The following HSD17B4 variants were observed in gnomAD, a reference collection of about 807,000 sequenced individuals.
HSD17B4 encodes the protein hydroxysteroid 17-beta dehydrogenase 4.
A neutral mutation model predicts 101.0 loss-of-function variants in HSD17B4; 70 were observed. The observed-to-expected ratio is 0.69, with a 90% CI of 0.57 to 0.85. HSD17B4 has a LOEUF of 0.85. Among genes scored for constraint, HSD17B4 ranks in the 40% least tolerant of loss-of-function variants. HSD17B4 has a pLI of 0.00. For missense variants in HSD17B4, 984 were observed against 892.4 expected (o/e 1.10, Z -1.31); for synonymous variants, 347 against 297.1 (o/e 1.17, Z -1.73).
At chr5:119,532,441 A>G (rs1300821572) in intron 22 of HSD17B4, among the ~76,000 whole-genome samples, 2 of 152,132 alleles carry the variant, frequency 1.3e-5, no homozygotes, top group Non-Finnish European at 2.9e-5. Context: ...CCATGTAGAA[A>G]GCATAGTTTT....
At chr5:119,499,579 T>C (rs771598599) in intron 13 of HSD17B4, 26 bp downstream of exon 13, 1 of 1,352,792 alleles carries the variant, frequency 7.4e-7, no homozygotes, top group East Asian at 2.3e-5. Context: ...AACCTTTATT[T>C]TGCTTTTCTA....
chr5:119,454,404 C>G (rs1004757063), intron 1 of HSD17B4, among the ~76,000 whole-genome samples: 2 of 151,524 alleles, frequency 1.3e-5, no homozygotes, highest in African/African-American at 4.9e-5. Flanking sequence ...CTCCTGGGCT[C>G]AAGTGATCCT....
At position 119,489,420 on chromosome 5, in the gene HSD17B4, AT is replaced by A. The variant is rs1749900879; in HGVS notation, c.714+143del. 2.1e-5 allele frequency: 14 copies of A among 667,452 alleles called. 1 individual carries two copies. In the South Asian group the frequency reaches 2.4e-4, roughly 11 times the overall value. 41.3% of individuals were successfully genotyped at this position (667,452 alleles called of 1,614,324 possible). A position where few individuals can be genotyped will look rare whatever the true frequency, so the allele number is the denominator to read the frequency against. On this transcript the variant is annotated intron_variant, in intron 9 of 23. Coordinates refer to ENST00000510025, the MANE Select transcript of HSD17B4 (RefSeq NM_000414.4). ...TAATTAAAAGTGTTGACTAATATCC[AT>A]TTTTTGGAAAGTAATAGTAACTTTA...
chr5:119,479,057 C>T, intron 8 of HSD17B4, 36 bp downstream of exon 8: 1 of 1,453,654 alleles, frequency 6.9e-7, no homozygotes, highest in Non-Finnish European at 9.7e-7. Flanking sequence ...AGTGCTGTTA[C>T]TTACAAACCT....
At chr5:119,509,477 A>C (rs1245156286) in intron 16 of HSD17B4, 2 of 663,672 alleles carry the variant, frequency 3.0e-6, no homozygotes, top group South Asian at 3.1e-5. Context: ...ATGATGATCT[A>C]CTTCCACTTA....
At chr5:119,474,357 A>G (rs1748361410) in intron 3 of HSD17B4, 44 bp from the exon 4 acceptor site, 1 of 1,218,586 alleles carries the variant, frequency 8.2e-7, no homozygotes, top group African/African-American at 1.5e-5. Flanking sequence ...AGTCCTTTGG[A>G]AGGGAGGTTG....
intron 2 of HSD17B4, 129 bp from the exon 3 acceptor site, chr5:119,473,779 G>A (rs1164849570): frequency 1.4e-6 from 1 of 713,096 alleles, no homozygotes; most frequent in Non-Finnish European, 2.6e-6. Flanking sequence ...GATGGGATAG[G>A]GTAGGAAGGA....
intron 6 of HSD17B4, chr5:119,476,522 T>A (rs1748600390): frequency 2.0e-6 from 2 of 976,790 alleles, no homozygotes; most frequent in African/African-American, 3.5e-5. Context: ...TATCATTGTT[T>A]ATAGAGTGTG....
chr5:119,525,169 T>C, intron 17 of HSD17B4, 47 bp from the exon 18 acceptor site: 1 of 1,321,186 alleles, frequency 7.6e-7, no homozygotes, highest in Non-Finnish European at 1.1e-6. Flanking sequence ...ATTTAATGTA[T>C]TCTAACAAAA....
chr5:119,517,823 A>T lies in HSD17B4; in HGVS notation c.1503+2777A>T, dbSNP rs938077733. 2.0e-5 allele frequency among the ~76,000 whole-genome samples: 3 copies of T among 149,816 alleles called. No homozygotes were observed. In the East Asian group the frequency reaches 5.9e-4, roughly 30 times the overall value. Reference sequence around the variant, plus strand: ...TAGCTCAAGGTTTGTAAACAAACCAATCAGCACCCTGTGTCTAGCTCAGGG... The same window carrying T: ...TAGCTCAAGGTTTGTAAACAAACCATTCAGCACCCTGTGTCTAGCTCAGGG... On this transcript the variant is annotated intron_variant, in intron 17 of 23. Transcript: ENST00000510025.
intron 15 of HSD17B4, among the ~76,000 whole-genome samples, chr5:119,507,804 A>G (rs558534730): frequency 6.6e-6 from 1 of 151,756 alleles, no homozygotes; most frequent in Non-Finnish European, 1.5e-5. Context: ...AAAAATTTGT[A>G]CATTTTATAA....
intron 14 of HSD17B4, among the ~76,000 whole-genome samples, chr5:119,503,093 T>C (rs1020241562): frequency 6.6e-6 from 1 of 151,460 alleles, no homozygotes; most frequent in African/African-American, 2.4e-5. Context: ...TGTGTGTGTG[T>C]GTGTGTGTGT....
In HSD17B4 at chr5:119,489,217, G is replaced by A. The variant is rs762731834; in HGVS notation, c.648G>A (p.Glu216=). ...ATCTTGTGGAAGCCCTGAAGCCAGA[G>A]TATGTGGCACCTCTTGTCCTTTGGC... is the stretch of plus-strand genomic sequence containing the variant. ...PEDLVEALKP[E]YVAPLVLWLC... Residue 216 remains glutamate, a synonymous_variant, in exon 9 of 24, where the codon GAG becomes GAA. Coordinates refer to ENST00000510025, the MANE Select transcript of HSD17B4 (RefSeq NM_000414.4). The A allele has an allele frequency of 1.4e-5, 22 of 1,611,902 alleles. No individual in the cohort carries two copies. The highest frequency in any genetic ancestry group is 6.7e-5 in the Admixed American group (4 of 59,936).
chr5:119,525,713 G>GTTTTTTTTTTTTTTTTTTT, intron 18 of HSD17B4: 1 of 484,018 alleles, frequency 2.1e-6, no homozygotes, highest in Admixed American at 3.7e-5. Context: ...TTCCTGTTTT[G>GTTTTTTTTTTTTTTTTTTT]TTTTTTTTTT....
At chr5:119,463,655 CTTTTTTTTTTTTTTTT>C (rs57252147) in intron 2 of HSD17B4, among the ~76,000 whole-genome samples, 3 of 29,688 alleles carry the variant, frequency 1.0e-4, no homozygotes, top group South Asian at 2.9e-3. Context: ...ATTTATATGT[CTTTTTTTTTTTTTTTT>C]TTTTTTTTTT....
chr5:119,465,403 A>G (rs1370818148), intron 2 of HSD17B4, among the ~76,000 whole-genome samples: 1 of 152,126 alleles, frequency 6.6e-6, no homozygotes, highest in Non-Finnish European at 1.5e-5. Context: ...GGTTGTTTAA[A>G]ACAGTCTGGG....
At chr5:119,475,955 A>G (rs1449675461) in intron 6 of HSD17B4, 85 bp downstream of exon 6, 1 of 974,250 alleles carries the variant, frequency 1.0e-6, no homozygotes, top group Non-Finnish European at 1.6e-6. Context: ...ATTTAAGGAA[A>G]AACCTGCTTC....
In HSD17B4 at chr5:119,476,900, C is replaced by G. The variant is rs73246550; in HGVS notation, c.350-517C>G. Among the ~76,000 whole-genome samples, 948 of 152,236 alleles carry G rather than the reference C, an allele frequency of 6.2e-3. 8 individuals are homozygous for G. Among genetic ancestry groups the G allele is most frequent in the African/African-American group, 0.022 (902 of 41,546 alleles). ...GCTTAAAAAACTTGACAATTAAAAT[C>G]TAGAATTGTCTGTCTGAATGTTTCA... On this transcript the variant is annotated intron_variant, in intron 6 of 23. Transcript: ENST00000510025.
intron 18 of HSD17B4, 40 bp from the exon 19 acceptor site, chr5:119,525,877 A>G: frequency 8.6e-7 from 1 of 1,157,432 alleles, no homozygotes; most frequent in Non-Finnish European, 1.3e-6. Flanking sequence ...TTAAACTTTA[A>G]AGGTACCTGT....
Sources: allele counts gnomAD v4.1 joint callset (sites outside exome capture counted in the v4.1 genomes callset), GRCh38; gene constraint gnomAD v4.1.1; transcripts MANE v1.5; gene names NCBI Gene and HGNC (gene_info 2026-07-23, HGNC 2026-07-21).